Variants in ZFYVE27 observed in about 807,000 individuals in gnomAD.
ZFYVE27 encodes protrudin.
Under a neutral mutation model 52.8 loss-of-function variants are expected in ZFYVE27, and 36 were observed. The observed-to-expected ratio is 0.68, with a 90% confidence interval of 0.52 to 0.90. The LOEUF (loss-of-function observed/expected upper bound fraction) is 0.90, where lower values mean the gene tolerates loss of function less well. ZFYVE27 is among the 40% of genes least tolerant of loss of function. The pLI is 0.00. For synonymous variants in ZFYVE27, 223 were observed against 215.6 expected, an observed-to-expected ratio of 1.03 and a Z score of -0.30; for missense variants, 450 against 527.2, an observed-to-expected ratio of 0.85 and a Z score of 1.43.
rs1212382022 is a variant in ZFYVE27 at position 97,751,377 on chromosome 10, GTC to G, written c.805-8_805-7del. On this transcript the variant is annotated splice_polypyrimidine_tract_variant and intron_variant, in intron 7 of 12. Transcript: ENST00000684270. ...GCCATCCTTCTCCTTCTGTCATAGA[GTC>G]TCTCTTCCCAGGACCTCACACCGGG... is the stretch of plus-strand genomic sequence containing the variant. The G allele has an allele frequency of 6.2e-7, 1 of 1,613,418 alleles. No homozygotes were observed. The highest frequency in any genetic ancestry group is 1.3e-5 in the African/African-American group (1 of 74,888).
chr10:97,744,100 C>G (rs2044506501), intron 3 of ZFYVE27, among the ~76,000 whole-genome samples: 1 of 152,214 alleles, frequency 6.6e-6, no homozygotes. Flanking sequence ...CTGTTCAAAA[C>G]TTCCTAGGAT....
intron 10 of ZFYVE27, 190 bp from the exon 11 acceptor site, chr10:97,757,075 C>G: frequency 1.5e-6 from 1 of 683,558 alleles, no homozygotes; most frequent in Non-Finnish European, 2.5e-6. Flanking sequence ...CATCAGTCCT[C>G]AGGGGCTATC....
chr10:97,756,414 T>C (rs1039207810), intron 10 of ZFYVE27, among the ~76,000 whole-genome samples: 1 of 152,176 alleles, frequency 6.6e-6, no homozygotes, highest in Non-Finnish European at 1.5e-5. Context: ...AGGGACCACA[T>C]GTAGCCGTCA....
chr10:97,750,735 C>G (rs945582126), intron 7 of ZFYVE27, among the ~76,000 whole-genome samples: 13 of 144,566 alleles, frequency 9.0e-5, no homozygotes, highest in Non-Finnish European at 2.0e-4. Flanking sequence ...CTTTCCTTTT[C>G]TTTTTTTTTT....
chr10:97,758,274 A>G (rs906728975), intron 12 of ZFYVE27: 1 of 152,106 alleles, frequency 6.6e-6, no homozygotes, highest in Non-Finnish European at 1.5e-5. Flanking sequence ...TTCCTGAAAA[A>G]TGTGGTCACA....
chr10:97,752,341 C>T (rs1590075271), intron 8 of ZFYVE27, among the ~76,000 whole-genome samples: 1 of 152,342 alleles, frequency 6.6e-6, no homozygotes, highest in East Asian at 1.9e-4. Context: ...CATACATCAG[C>T]CCAGGCCATG....
chr10:97,758,150 TA>T (rs1160244418), intron 12 of ZFYVE27: 1 of 154,584 alleles, frequency 6.5e-6, no homozygotes, highest in Non-Finnish European at 1.4e-5. Context: ...ATATTGTAAA[TA>T]AAAAACACAG....
At chr10:97,743,025 G>A (rs2044162481) in intron 2 of ZFYVE27, 69 bp from the exon 3 acceptor site, 1 of 1,548,702 alleles carries the variant, frequency 6.5e-7, no homozygotes, top group African/African-American at 1.4e-5. Flanking sequence ...TCCCGTCTGT[G>A]CTGCCTGGTC....
intron 5 of ZFYVE27, among the ~76,000 whole-genome samples, chr10:97,748,782 TTAATATA>T (rs1189725773): frequency 1.3e-5 from 2 of 152,208 alleles, no homozygotes; most frequent in Non-Finnish European, 2.9e-5. Context: ...TAATACCAGA[TTAATATA>T]GATGGCAAAT....
At chr10:97,751,888 G>T (rs1304631145) in intron 8 of ZFYVE27, among the ~76,000 whole-genome samples, 1 of 152,222 alleles carries the variant, frequency 6.6e-6, no homozygotes, top group Non-Finnish European at 1.5e-5. Flanking sequence ...CCAAGTGCTA[G>T]GTCAGAGGAA....
rs17852788 is a variant in ZFYVE27 at position 97,757,707 on chromosome 10, C to T, written c.1155C>T (p.Ser385=). 1.2e-6 allele frequency: 2 copies of T among 1,614,202 alleles called. No homozygotes were observed. The highest frequency in any genetic ancestry group is 2.2e-5 in the East Asian group (1 of 44,882). The change falls in exon 12 of 13, where the codon TCC becomes TCT. Residue 385 remains serine, a synonymous_variant. Transcript: ENST00000684270. ...GCTGCTCCTTCAAGGTGCCCAAGTC[C>T]TCCATGGGGGCCACAGGTGAGTGGT... ...SRCCSFKVPK[S]SMGATAPEAQ...
chr10:97,757,000 A>T (rs1444665951), intron 10 of ZFYVE27, among the ~76,000 whole-genome samples: 2 of 151,794 alleles, frequency 1.3e-5, no homozygotes, highest in Non-Finnish European at 1.5e-5. Flanking sequence ...TTTCTGTTGA[A>T]CCTGTAGGTA....
intron 5 of ZFYVE27, among the ~76,000 whole-genome samples, chr10:97,748,609 G>A (rs1338241349): frequency 1.3e-5 from 2 of 152,304 alleles, no homozygotes; most frequent in East Asian, 3.9e-4. Flanking sequence ...AATCCACCAT[G>A]CAGCCGAATC....
chr10:97,748,255 C>T lies in ZFYVE27; in HGVS notation c.456-14C>T, dbSNP rs376581753. Reference sequence around the variant, plus strand: ...TTCTGTCCTGCCCACTCACCAAAGCCCCTGTGTCTGTAGCTTGATCCAGCT... The same window carrying T: ...TTCTGTCCTGCCCACTCACCAAAGCTCCTGTGTCTGTAGCTTGATCCAGCT... On this transcript the variant is annotated splice_polypyrimidine_tract_variant and intron_variant, in intron 4 of 12. Transcript: ENST00000684270. The T allele has an allele frequency of 1.1e-5, 18 of 1,613,766 alleles. No homozygotes were observed. The highest frequency in any genetic ancestry group is 1.3e-5 in the Non-Finnish European group (15 of 1,179,966).
At chr10:97,738,357 T>A in intron 1 of ZFYVE27, 120 bp from the exon 2 acceptor site, 1 of 1,055,576 alleles carries the variant, frequency 9.5e-7, no homozygotes, top group Non-Finnish European at 1.5e-6. Flanking sequence ...GGATTTTAGG[T>A]CTGAATAGTT....
At position 97,751,357 on chromosome 10, in the gene ZFYVE27, CCTT is replaced by C. The variant is rs778348383; in HGVS notation, c.805-31_805-29del. The C allele has an allele frequency of 4.3e-6, 7 of 1,611,614 alleles. No homozygotes were observed. In the East Asian group the frequency reaches 1.6e-4, roughly 36 times the overall value. ...CTGCCTTAGGGAGCAGCGCTGCCAT[CCTT>C]CTCCTTCTGTCATAGAGTCTCTCTT... is the stretch of plus-strand genomic sequence containing the variant. On this transcript the variant is annotated intron_variant, in intron 7 of 12. Coordinates refer to ENST00000684270, the MANE Select transcript of ZFYVE27 (RefSeq NM_001385875.1).
chr10:97,738,445 A>G (rs1366737782), intron 1 of ZFYVE27, 32 bp from the exon 2 acceptor site: 2 of 1,610,736 alleles, frequency 1.2e-6, no homozygotes, highest in Non-Finnish European at 1.7e-6. Flanking sequence ...CTAGACGTGC[A>G]ATGCAAATGT....
At chr10:97,739,414 C>T (rs958780093) in intron 2 of ZFYVE27, among the ~76,000 whole-genome samples, 2 of 152,084 alleles carry the variant, frequency 1.3e-5, no homozygotes, top group African/African-American at 2.4e-5. Context: ...CTTTTTCCCT[C>T]CTATCCTGCT....
intron 3 of ZFYVE27, 117 bp downstream of exon 3, chr10:97,743,281 C>T (rs1590014571): frequency 3.3e-6 from 4 of 1,215,272 alleles, no homozygotes; most frequent in East Asian, 2.3e-5. Flanking sequence ...GTTAGTGTTC[C>T]TCTGTGTCTG....
Sources: allele counts gnomAD v4.1 joint callset (sites outside exome capture counted in the v4.1 genomes callset), GRCh38; gene constraint gnomAD v4.1.1; transcripts MANE v1.5; gene names NCBI Gene and HGNC (gene_info 2026-07-23, HGNC 2026-07-21).